The following UNC5D variants were observed in gnomAD, a reference collection of about 807,000 sequenced individuals.
UNC5D encodes the protein unc-5 netrin receptor D, also known as netrin receptor UNC5D.
UNC5D carries 39 observed loss-of-function variants against 105.4 expected under a neutral mutation model. The observed-to-expected ratio is 0.37, with a 90% CI of 0.29 to 0.48. The LOEUF (loss-of-function observed/expected upper bound fraction) is 0.48. Ranked by LOEUF, UNC5D falls within the 20% of genes least tolerant of loss-of-function variation. The pLI is 0.98. For missense variants in UNC5D, 991 were observed against 1,202.4 expected (o/e 0.82, Z 2.60); for synonymous variants, 452 against 450.4 (o/e 1.00, Z -0.04).
intron 1 of UNC5D, among the ~76,000 whole-genome samples, chr8:35,380,707 G>A (rs1802992566): frequency 6.6e-6 from 1 of 152,076 alleles, no homozygotes; most frequent in South Asian, 2.1e-4. Flanking sequence ...GATGATAGAG[G>A]GTGATTCTGG....
chr8:35,454,559 A>G (rs1808363226), intron 1 of UNC5D, among the ~76,000 whole-genome samples: 1 of 152,168 alleles, frequency 6.6e-6, no homozygotes, highest in South Asian at 2.1e-4. Context: ...GTCTGCATAA[A>G]GAAATATTAT....
intron 1 of UNC5D, among the ~76,000 whole-genome samples, chr8:35,441,826 C>A (rs970355175): frequency 1.3e-5 from 2 of 151,298 alleles, no homozygotes; most frequent in Non-Finnish European, 3.0e-5. Context: ...GCAATAGAAT[C>A]CATCGTCTGA....
At chr8:35,732,365 T>C (rs1829236237) in intron 11 of UNC5D, among the ~76,000 whole-genome samples, 1 of 152,194 alleles carries the variant, frequency 6.6e-6, no homozygotes, top group African/African-American at 2.4e-5. Flanking sequence ...TGGGATCTCA[T>C]GTTATTTCCC....
At chr8:35,500,047 C>T (rs367792081) in intron 1 of UNC5D, among the ~76,000 whole-genome samples, 2 of 152,224 alleles carry the variant, frequency 1.3e-5, no homozygotes, top group African/African-American at 4.8e-5. Flanking sequence ...AACAAATTAT[C>T]ACCCTCACCT....
intron 4 of UNC5D, among the ~76,000 whole-genome samples, chr8:35,654,031 C>T (rs1040543968): frequency 6.6e-6 from 1 of 152,060 alleles, no homozygotes; most frequent in Non-Finnish European, 1.5e-5. Context: ...ATGTGTTTTT[C>T]TGGAGAGAAT....
intron 1 of UNC5D, among the ~76,000 whole-genome samples, chr8:35,417,468 G>C (rs969963992): frequency 1.3e-5 from 2 of 150,282 alleles, no homozygotes; most frequent in East Asian, 3.9e-4. Flanking sequence ...TAGGATTGAT[G>C]TGGCTAAGGA....
At chr8:35,253,275 G>A (rs34376566) in intron 1 of UNC5D, among the ~76,000 whole-genome samples, 64,149 of 151,748 alleles carry the variant, frequency 0.42, 13,840 homozygotes, top group East Asian at 0.7. Flanking sequence ...TAATTTCAAT[G>A]TAATCAGTGT....
chr8:35,717,055 C>G (rs1185020562), intron 8 of UNC5D, among the ~76,000 whole-genome samples: 1 of 152,172 alleles, frequency 6.6e-6, no homozygotes, highest in African/African-American at 2.4e-5. Flanking sequence ...GTTTGTCTTA[C>G]CCTTCTCAGG....
intron 1 of UNC5D, among the ~76,000 whole-genome samples, chr8:35,518,514 TC>T (rs1215111547): frequency 2.6e-5 from 4 of 152,326 alleles, no homozygotes; most frequent in African/African-American, 9.6e-5. Context: ...AGATCGATGG[TC>T]CCTTCTTACT....
chr8:35,606,349 C>A (rs1455882864), intron 4 of UNC5D, among the ~76,000 whole-genome samples: 3 of 152,102 alleles, frequency 2.0e-5, no homozygotes, highest in African/African-American at 7.2e-5. Flanking sequence ...ATGACCGAAC[C>A]AATATTGATA....
intron 4 of UNC5D, among the ~76,000 whole-genome samples, chr8:35,659,501 T>C (rs917494774): frequency 2.0e-5 from 3 of 152,214 alleles, no homozygotes; most frequent in African/African-American, 4.8e-5. Context: ...TAATCACCTG[T>C]TGTTACATGT....
intron 1 of UNC5D, among the ~76,000 whole-genome samples, chr8:35,331,977 T>C (rs988578581): frequency 6.6e-5 from 10 of 152,340 alleles, no homozygotes; most frequent in African/African-American, 2.4e-4. Context: ...GCAGTTGTTT[T>C]CTCTTGCTGG....
At chr8:35,443,631 A>T (rs982638712) in intron 1 of UNC5D, among the ~76,000 whole-genome samples, 1 of 151,902 alleles carries the variant, frequency 6.6e-6, no homozygotes, top group Non-Finnish European at 1.5e-5. Flanking sequence ...TCTATTTCAG[A>T]TCGTTGCCTG....
chr8:35,587,690 G>A (rs974584080), intron 3 of UNC5D, among the ~76,000 whole-genome samples: 5 of 152,024 alleles, frequency 3.3e-5, no homozygotes, highest in African/African-American at 1.2e-4. Flanking sequence ...CATCGTAGGA[G>A]TGAAACTTGG....
intron 1 of UNC5D, among the ~76,000 whole-genome samples, chr8:35,273,568 C>T (rs1805569909): frequency 6.6e-6 from 1 of 152,148 alleles, no homozygotes. Flanking sequence ...AAAGAGTTTT[C>T]TTTATGTTTA....
intron 1 of UNC5D, among the ~76,000 whole-genome samples, chr8:35,522,440 T>C (rs1302967845): frequency 6.6e-6 from 1 of 152,232 alleles, no homozygotes; most frequent in Non-Finnish European, 1.5e-5. Flanking sequence ...TTTATGAAGA[T>C]GATTACAATG....
chr8:35,748,155 T>A (rs1199484327), intron 11 of UNC5D, among the ~76,000 whole-genome samples: 18 of 152,186 alleles, frequency 1.2e-4, no homozygotes, highest in Non-Finnish European at 4.4e-5. Flanking sequence ...ACCAGACCAG[T>A]CATTTCTATA....
At chr8:35,446,500 A>T (rs921741369) in intron 1 of UNC5D, among the ~76,000 whole-genome samples, 1 of 152,020 alleles carries the variant, frequency 6.6e-6, no homozygotes, top group African/African-American at 2.4e-5. Context: ...CTAAAAAAAA[A>T]GTAATTACCC....
At chr8:35,430,325 C>T (rs1422179401) in intron 1 of UNC5D, among the ~76,000 whole-genome samples, 2 of 151,926 alleles carry the variant, frequency 1.3e-5, no homozygotes, top group African/African-American at 4.8e-5. Flanking sequence ...GGCTGGCACA[C>T]CCTGAGAGGG....
Sources: gnomAD v4.1 joint callset for allele counts (sites outside exome capture counted in the v4.1 genomes callset) on GRCh38, gnomAD v4.1.1 for gene constraint, MANE v1.5 for transcripts, NCBI Gene and HGNC (gene_info 2026-07-23, HGNC 2026-07-21) for gene names.